PAPLN: variants seen among roughly 807,000 people sequenced by gnomAD.
The protein encoded by PAPLN is papilin.
In PAPLN, 146 loss-of-function variants were observed where a neutral mutation model predicts 159.0. The ratio of observed to expected loss-of-function variants is 0.92; its 90% CI spans 0.80 to 1.05. PAPLN has a LOEUF of 1.05. PAPLN is among the 50% of genes least tolerant of loss of function. The pLI is 0.00. For missense variants in PAPLN, 1,720 were observed against 1,743.9 expected (o/e 0.99, Z 0.24); for synonymous variants, 734 against 702.9 (o/e 1.04, Z -0.70).
chr14:73,264,028 T>TA, intron 20 of PAPLN, 183 bp from the exon 21 acceptor site: 1 of 1,397,112 alleles, frequency 7.2e-7, no homozygotes, highest in Non-Finnish European at 9.3e-7. Context: ...GACAGCTCCC[T>TA]CCACCTCCGC....
At chr14:73,246,891 C>G (rs1160210038) in intron 5 of PAPLN, 1 of 152,172 alleles carries the variant, frequency 6.6e-6, no homozygotes, top group African/African-American at 2.4e-5. Flanking sequence ...TTGTCAAATA[C>G]CCCATCGATC....
chr14:73,271,839 C>A (rs368944827), intron 26 of PAPLN, among the ~76,000 whole-genome samples: 1 of 149,050 alleles, frequency 6.7e-6, no homozygotes, highest in Non-Finnish European at 1.5e-5. Flanking sequence ...ACAGACGTTC[C>A]TAGTAAATTC....
chr14:73,239,907 C>A, intron 2 of PAPLN, 75 bp downstream of exon 2: 1 of 1,478,218 alleles, frequency 6.8e-7, no homozygotes, highest in Non-Finnish European at 8.9e-7. Context: ...GGCCCGCAGG[C>A]AACGTCCCCA....
At chr14:73,248,011 TG>T (rs1884747848) in intron 5 of PAPLN, among the ~76,000 whole-genome samples, 2 of 108,746 alleles carry the variant, frequency 1.8e-5, no homozygotes, top group Admixed American at 9.5e-5. Flanking sequence ...TGTGTGTGTG[TG>T]TGTGTGTGTG....
At chr14:73,239,556 C>G in intron 1 of PAPLN, 2 of 725,926 alleles carry the variant, frequency 2.8e-6, no homozygotes, top group Middle Eastern at 4.2e-4. Context: ...CTGCCAGTTG[C>G]GGATGGGCCA....
Position 73,245,867 on chromosome 14 carries a change from G to A in PAPLN, c.231+171G>A. ...GGGGCCCCTTCCTCACCCTGCTCCC[G>A]GGGACTGGCCTTGCCCTCCACAGCC... On this transcript the variant is annotated intron_variant, in intron 4 of 26. Transcript: ENST00000644200. This position sits in a 1 kb window ranked among gnomAD's most constrained non-coding sequence, Gnocchi z 4.2. The A allele has an allele frequency of 7.4e-6, 7 of 944,840 alleles. No individual in the cohort carries two copies. The highest frequency in any genetic ancestry group is 1.1e-5 in the Non-Finnish European group (7 of 642,656). The allele number at this position is 944,840 out of a possible 1,614,324, so 58.5% of individuals were successfully genotyped here. A position where few individuals can be genotyped will look rare whatever the true frequency, so the allele number is the denominator to read the frequency against.
At chr14:73,268,760 T>G in intron 26 of PAPLN, 37 bp downstream of exon 26, 1 of 1,553,742 alleles carries the variant, frequency 6.4e-7, no homozygotes, top group East Asian at 2.4e-5. Flanking sequence ...GGAAGGACAT[T>G]CCCCAGTAGA....
chr14:73,251,786 C>G lies in PAPLN; in HGVS notation c.793C>G (p.Pro265Ala), dbSNP rs370211816. The part of the protein sequence containing the change: ...YERGAEGDLA[P>A]ERLHARGPTS... ...GCGGGGTGCTGAGGGGGACCTGGCC[C>G]CTGAGCGACTCCATGCCCGGGGCCC... Residue 265 changes from proline (P) to alanine (A), a missense_variant, in exon 9 of 27, where the codon CCT (proline) becomes GCT (alanine). Pro to Ala is a conservative substitution (Grantham distance 27). Coordinates refer to ENST00000644200, the MANE Select transcript of PAPLN (RefSeq NM_001365906.3). The G allele has an allele frequency of 6.2e-7, 1 of 1,607,638 alleles. No homozygotes were observed. Among genetic ancestry groups the G allele is most frequent in the Non-Finnish European group, 8.5e-7 (1 of 1,178,176 alleles).
intron 2 of PAPLN, chr14:73,242,662 T>G (rs1327037027): frequency 6.6e-6 from 1 of 152,264 alleles, no homozygotes; most frequent in Non-Finnish European, 1.5e-5. Flanking sequence ...AAATTTCAGT[T>G]TAACTTTCAT....
At chr14:73,238,640 G>A (rs1883215276) in intron 1 of PAPLN, among the ~76,000 whole-genome samples, 1 of 152,232 alleles carries the variant, frequency 6.6e-6, no homozygotes, top group Non-Finnish European at 1.5e-5. Flanking sequence ...GCCCCCAGCA[G>A]AGCAGAGGCA....
Position 73,253,895 on chromosome 14 carries a change from GC to G in PAPLN, c.1241del (p.Pro414LeufsTer58). On this transcript the variant is annotated frameshift_variant, in exon 12 of 27. Transcript: ENST00000644200. LOFTEE classifies it high-confidence loss of function. Reference sequence around the variant, plus strand: ...CTGAGTGTGCCGGGCTGCCTGGGAAGCCCCCTGCCATTCAGGCCTGTAACCT... The same window carrying G: ...CTGAGTGTGCCGGGCTGCCTGGGAAGCCCCTGCCATTCAGGCCTGTAACCT... ...EAECAGLPGK[P>X]PAIQACNLQR... is the part of the protein sequence containing the mutation. 1 of 1,613,164 alleles carries G rather than the reference GC, an allele frequency of 6.2e-7. No individual in the cohort carries two copies. Among genetic ancestry groups the G allele is most frequent in the South Asian group, 1.1e-5 (1 of 91,074 alleles).
chr14:73,253,770 T>C lies in PAPLN; in HGVS notation c.1111T>C (p.Trp371Arg). The C allele has an allele frequency of 1.2e-6, 2 of 1,600,420 alleles. No homozygotes were observed. The highest frequency in any genetic ancestry group is 1.7e-6 in the Non-Finnish European group (2 of 1,169,958). Residue 371 changes from tryptophan to arginine, a missense_variant, in exon 12 of 27, where the codon TGG becomes CGG. By Grantham distance (101) the Trp-to-Arg change is moderately radical (BLOSUM62 -3). Coordinates refer to ENST00000644200, the MANE Select transcript of PAPLN (RefSeq NM_001365906.3). ...PETKRWKAGP[W>R]APCSASCGGG... ...TCCTGCCAGCTGGAAGGCAGGGCCA[T>C]GGGCACCCTGCTCAGCCTCCTGTGG... is the stretch of plus-strand genomic sequence containing the variant.
intron 1 of PAPLN, 51 bp from the exon 2 acceptor site, chr14:73,239,722 A>G (rs1883323864): frequency 6.5e-7 from 1 of 1,536,634 alleles, no homozygotes. Flanking sequence ...GCCCGCGCCC[A>G]GGACAGCTGC....
rs763370739 is a variant in PAPLN at position 73,266,843 on chromosome 14, A to G, written c.3500+12A>G. 3 of 1,600,660 alleles carry G rather than the reference A, an allele frequency of 1.9e-6. No individual in the cohort carries two copies. The highest frequency in any genetic ancestry group is 2.3e-5 in the East Asian group (1 of 44,136). On this transcript the variant is annotated intron_variant, in intron 25 of 26. Transcript: ENST00000644200. ...ATCAGGTGGTCCAGGTAAAGGCTCT[A>G]TTCCAAGTTGTCCCTGTCCCCAGAC...
At chr14:73,255,379 C>T (rs1885787515) in intron 14 of PAPLN, among the ~76,000 whole-genome samples, 1 of 152,212 alleles carries the variant, frequency 6.6e-6, no homozygotes. Context: ...CCCCAACTTC[C>T]ATATTCCTCT....
rs746145851 is a variant in PAPLN, at chr14:73,261,267, G to GA, written c.2220dup (p.Gly741ArgfsTer40). On this transcript the variant is annotated frameshift_variant, in exon 18 of 27. Transcript: ENST00000644200. LOFTEE classifies it high-confidence loss of function. ...GGCCACTGCAGCCGGTCCTCTTGGG[G>GA]AAGGCTGTGTGGGCCAGCCCAGCCA... is the stretch of plus-strand genomic sequence containing the variant. The GA allele has an allele frequency of 1.9e-6, 3 of 1,613,648 alleles. No individual in the cohort carries two copies. In the African/African-American group the frequency reaches 4.0e-5, roughly 22 times the overall value.
rs1480036043 is a variant in PAPLN at position 73,266,617 on chromosome 14, T to A, written c.3380T>A (p.Leu1127His). 1 of 1,614,012 alleles carries A rather than the reference T, an allele frequency of 6.2e-7. No individual in the cohort carries two copies. The highest frequency in any genetic ancestry group is 8.5e-7 in the Non-Finnish European group (1 of 1,180,034). Residue 1127 changes from leucine to histidine, a missense_variant, in exon 24 of 27, where the codon CTC (leucine) becomes CAC (histidine). Leu to His is a moderately conservative substitution (Grantham distance 99). Coordinates refer to ENST00000644200, the MANE Select transcript of PAPLN (RefSeq NM_001365906.3). ...GACCGAGACCAGCGATGGGTCCAGCTCAGAGTTCTGGGTAAAGTGGCAGTC... is the reference window on the plus strand; with the variant it reads ...GACCGAGACCAGCGATGGGTCCAGCACAGAGTTCTGGGTAAAGTGGCAGTC... ...GQDRDQRWVQ[L>H]RVLGELTISG...
At chr14:73,252,525 G>C in intron 10 of PAPLN, 124 bp from the exon 11 acceptor site, 2 of 1,304,228 alleles carry the variant, frequency 1.5e-6, no homozygotes, top group African/African-American at 1.5e-5. Flanking sequence ...ACCTGCCTCG[G>C]GGGGGTCATC....
chr14:73,254,394 G>A (rs1885646167), intron 12 of PAPLN, 119 bp from the exon 13 acceptor site: 1 of 1,268,390 alleles, frequency 7.9e-7, no homozygotes, highest in Non-Finnish European at 1.1e-6. Flanking sequence ...GGCCTGGGAA[G>A]GACATGGGCA....
Sources: gnomAD v4.1 joint callset for allele counts (sites outside exome capture counted in the v4.1 genomes callset) on GRCh38, gnomAD v4.1.1 for gene constraint, Gnocchi (gnomAD v3.1) non-coding constraint, MANE v1.5 for transcripts, NCBI Gene and HGNC (gene_info 2026-07-23, HGNC 2026-07-21) for gene names.